Variants in LRRTM4 observed in about 807,000 individuals in gnomAD.
The protein encoded by LRRTM4 is leucine rich repeat transmembrane neuronal 4, also known as leucine-rich repeat transmembrane neuronal protein 4.
Under a neutral mutation model 47.6 loss-of-function variants are expected in LRRTM4, and 25 were observed. The observed-to-expected ratio is 0.53, with a 90% CI of 0.38 to 0.73. LRRTM4 has a LOEUF of 0.73. Ranked by LOEUF, LRRTM4 falls within the 30% of genes least tolerant of loss-of-function variation. The pLI, the probability that LRRTM4 is intolerant of heterozygous loss-of-function variation, is 0.00. For missense variants in LRRTM4, 638 were observed against 713.4 expected, an observed-to-expected ratio of 0.89 and a Z score of 1.20; for synonymous variants, 311 against 269.5, an observed-to-expected ratio of 1.15 and a Z score of -1.51.
At chr2:77,434,940 T>A (rs899098748) in intron 3 of LRRTM4, among the ~76,000 whole-genome samples, 1 of 152,146 alleles carries the variant, frequency 6.6e-6, no homozygotes, top group Non-Finnish European at 1.5e-5. Flanking sequence ...TTCCACCTCC[T>A]ACTTTAGAGG....
chr2:77,398,029 T>C (rs1673769072), intron 3 of LRRTM4, among the ~76,000 whole-genome samples: 1 of 151,832 alleles, frequency 6.6e-6, no homozygotes, highest in South Asian at 2.1e-4. Context: ...ATCTACCCGT[T>C]AGGCTTTAAG....
At chr2:77,410,895 T>A (rs1055814865) in intron 3 of LRRTM4, among the ~76,000 whole-genome samples, 19 of 152,180 alleles carry the variant, frequency 1.2e-4, no homozygotes, top group African/African-American at 4.6e-4. Context: ...AAGTTAACTA[T>A]CTTGGGCTCA....
At chr2:76,771,491 C>A (rs1006440827) in intron 3 of LRRTM4, among the ~76,000 whole-genome samples, 1 of 152,036 alleles carries the variant, frequency 6.6e-6, no homozygotes, top group Non-Finnish European at 1.5e-5. Flanking sequence ...GGAGGAACCC[C>A]TTTAACCACT....
chr2:76,957,038 A>AT (rs1675698369), intron 3 of LRRTM4, among the ~76,000 whole-genome samples: 2 of 151,832 alleles, frequency 1.3e-5, no homozygotes, highest in African/African-American at 4.8e-5. Context: ...GGATAAATGG[A>AT]TTAAAAAATG....
intron 3 of LRRTM4, among the ~76,000 whole-genome samples, chr2:76,899,738 T>G (rs537405656): frequency 6.6e-6 from 1 of 152,214 alleles, no homozygotes; most frequent in South Asian, 2.1e-4. Flanking sequence ...GAACATTAAA[T>G]ACAAAGATAA....
At chr2:77,318,132 G>A (rs1361336012) in intron 3 of LRRTM4, among the ~76,000 whole-genome samples, 1 of 149,442 alleles carries the variant, frequency 6.7e-6, no homozygotes, top group Non-Finnish European at 1.5e-5. Flanking sequence ...TCAGCCTCCC[G>A]AGTAGCTGGG....
chr2:77,063,825 C>G (rs1679870215), intron 3 of LRRTM4, among the ~76,000 whole-genome samples: 1 of 152,042 alleles, frequency 6.6e-6, no homozygotes, highest in East Asian at 1.9e-4. Context: ...AATTCCTTCT[C>G]TTTGTGTTCT....
At chr2:76,751,637 G>A (rs1672851650) in intron 3 of LRRTM4, among the ~76,000 whole-genome samples, 1 of 151,958 alleles carries the variant, frequency 6.6e-6, no homozygotes, top group Admixed American at 6.6e-5. Context: ...CTTATTCAAT[G>A]AGACCTCTTT....
Position 77,217,440 on chromosome 2 carries a change from AATATATATATATAT to A in LRRTM4, c.1551+300864_1551+300877del, listed in dbSNP as rs34070418. Among the ~76,000 whole-genome samples, 16 of 76,794 alleles carry A rather than the reference AATATATATATATAT, an allele frequency of 2.1e-4. 1 individual carries two copies. Among genetic ancestry groups the A allele is most frequent in the South Asian group, 1.5e-3 (3 of 2,034 alleles). 50.4% of individuals were successfully genotyped at this position (76,794 alleles called of 152,430 possible). ...TGATTTGGGCTATATCTCCAAATGAAATATATATATATATATATATATATATATACTAAGCCTTT... is the reference window on the plus strand; with the variant it reads ...TGATTTGGGCTATATCTCCAAATGAAATATATATATATATACTAAGCCTTT... On this transcript the variant is annotated intron_variant, in intron 3 of 3. Coordinates refer to ENST00000409884, the MANE Select transcript of LRRTM4 (RefSeq NM_001134745.3).
At chr2:77,150,352 C>G in intron 3 of LRRTM4, among the ~76,000 whole-genome samples, 1 of 151,764 alleles carries the variant, frequency 6.6e-6, no homozygotes, top group East Asian at 1.9e-4. Context: ...TCTCTTTTTT[C>G]TTTTTAACAA....
intron 3 of LRRTM4, among the ~76,000 whole-genome samples, chr2:77,230,782 T>C (rs1250214802): frequency 6.6e-6 from 1 of 152,168 alleles, no homozygotes; most frequent in Non-Finnish European, 1.5e-5. Flanking sequence ...ATGACTGACG[T>C]AGCCAAAGAG....
At chr2:77,373,279 A>G (rs1227374575) in intron 3 of LRRTM4, among the ~76,000 whole-genome samples, 1 of 151,372 alleles carries the variant, frequency 6.6e-6, no homozygotes, top group Non-Finnish European at 1.5e-5. Flanking sequence ...ACAGATTGTG[A>G]AAGAAGTAAA....
chr2:77,142,712 T>C (rs941582146), intron 3 of LRRTM4, among the ~76,000 whole-genome samples: 3 of 152,180 alleles, frequency 2.0e-5, no homozygotes, highest in African/African-American at 7.2e-5. Context: ...ATTAGAATGC[T>C]GAAGATGATA....
In LRRTM4 at chr2:77,352,749, A is replaced by AT. The variant is rs759980914; in HGVS notation, c.1551+165568dup. ...CAGAGAAAGAGAATAAGGAAGAACAATTTTTTTTTGTTGTTTTTCCTTAGT... is the reference window on the plus strand; with the variant it reads ...CAGAGAAAGAGAATAAGGAAGAACAATTTTTTTTTTGTTGTTTTTCCTTAGT... On this transcript the variant is annotated intron_variant, in intron 3 of 3. Transcript: ENST00000409884. Among the ~76,000 whole-genome samples, 131 of 151,742 alleles carry AT rather than the reference A, an allele frequency of 8.6e-4. 1 individual carries two copies. Among genetic ancestry groups the AT allele is most frequent in the South Asian group, 4.8e-3 (23 of 4,800 alleles).
At chr2:77,398,746 C>G (rs983316986) in intron 3 of LRRTM4, among the ~76,000 whole-genome samples, 4 of 151,802 alleles carry the variant, frequency 2.6e-5, no homozygotes, top group African/African-American at 7.2e-5. Context: ...ATGTACCTGA[C>G]AGCAATAATT....
rs62170342 is a variant in LRRTM4, at chr2:76,953,104, A to C, written c.1552-204188T>G. Among the ~76,000 whole-genome samples, 18 of 151,810 alleles carry C rather than the reference A, an allele frequency of 1.2e-4. No homozygotes were observed. In the East Asian group the frequency reaches 3.5e-3, roughly 30 times the overall value. On this transcript the variant is annotated intron_variant, in intron 3 of 3. Coordinates refer to ENST00000409884, the MANE Select transcript of LRRTM4 (RefSeq NM_001134745.3). ...TATGCTCACTACCTGGATACAATAT[A>C]CTAGTGTAACAAACCTTCATATGTA...
intron 3 of LRRTM4, among the ~76,000 whole-genome samples, chr2:77,435,096 A>G (rs1423192072): frequency 6.6e-6 from 1 of 151,918 alleles, no homozygotes; most frequent in African/African-American, 2.4e-5. Context: ...ATGCCAGTAG[A>G]ACTCCCACCC....
At chr2:77,120,504 G>A (rs774255116) in intron 3 of LRRTM4, among the ~76,000 whole-genome samples, 5 of 151,692 alleles carry the variant, frequency 3.3e-5, no homozygotes, top group Non-Finnish European at 4.4e-5. Context: ...ATAATATAAA[G>A]GGAAATATTA....
intron 3 of LRRTM4, among the ~76,000 whole-genome samples, chr2:77,043,022 C>G (rs773518785): frequency 2.6e-5 from 4 of 151,698 alleles, no homozygotes; most frequent in African/African-American, 9.7e-5. Flanking sequence ...TGCTGGGACT[C>G]GTGAGATTTA....
Sources: allele counts gnomAD v4.1 joint callset (sites outside exome capture counted in the v4.1 genomes callset), GRCh38; gene constraint gnomAD v4.1.1; transcripts MANE v1.5; gene names NCBI Gene and HGNC (gene_info 2026-07-23, HGNC 2026-07-21).